Variants in LHFPL7 observed in about 807,000 individuals in gnomAD.
The protein encoded by LHFPL7 is LHFPL tetraspan subfamily member 7 protein.
the LHFPL7 span, among the ~76,000 whole-genome samples, chr22:24,942,340 T>C: frequency 2.0e-5 from 3 of 152,234 alleles, no homozygotes; most frequent in African/African-American, 7.2e-5. Context: ...AGTCAAGTCT[T>C]ACTTTAATAA....
chr22:24,943,732 C>T, the LHFPL7 span, among the ~76,000 whole-genome samples: 120 of 152,264 alleles, frequency 7.9e-4, no homozygotes, highest in African/African-American at 2.7e-3. Flanking sequence ...ACGAACCCAA[C>T]GGCTTACTAG....
At chr22:24,939,603 G>C in the LHFPL7 span, 1 of 695,884 alleles carries the variant, frequency 1.4e-6, no homozygotes, top group Non-Finnish European at 2.6e-6. Flanking sequence ...GACAAGGAGA[G>C]AAAGGGGCTG....
chr22:24,939,182 C>T, the LHFPL7 span, among the ~76,000 whole-genome samples: 1 of 152,072 alleles, frequency 6.6e-6, no homozygotes, highest in African/African-American at 2.4e-5. Flanking sequence ...AACTTCTATG[C>T]TCAGTTCTAA....
chr22:24,938,546 G>A, the LHFPL7 span, among the ~76,000 whole-genome samples: 1 of 152,308 alleles, frequency 6.6e-6, no homozygotes, highest in African/African-American at 2.4e-5. Context: ...AGAAACTGAA[G>A]TCATTTGCCT....
chr22:24,942,516 C>T, the LHFPL7 span, among the ~76,000 whole-genome samples: 1 of 152,226 alleles, frequency 6.6e-6, no homozygotes, highest in Non-Finnish European at 1.5e-5. Context: ...ACTTAGCCAG[C>T]TTTGCCAGGC....
At chr22:24,943,923 G>A in the LHFPL7 span, among the ~76,000 whole-genome samples, 5 of 152,170 alleles carry the variant, frequency 3.3e-5, no homozygotes, top group African/African-American at 1.2e-4. Context: ...TGGCTTCTAT[G>A]TCTTTCTCTG....
the LHFPL7 span, among the ~76,000 whole-genome samples, chr22:24,943,066 GAGGGGACAGTATTTTTA>G: frequency 6.6e-6 from 1 of 151,904 alleles, no homozygotes; most frequent in Admixed American, 6.6e-5. Flanking sequence ...CCTTGAGTGA[GAGGGGACAGTATTTTTA>G]TGGGGTTTTT....
the LHFPL7 span, among the ~76,000 whole-genome samples, chr22:24,935,783 T>A: frequency 6.3e-3 from 955 of 152,082 alleles, 12 homozygotes; most frequent in African/African-American, 0.022. Flanking sequence ...CAACTATCTG[T>A]CCCTTCACTA....
chr22:24,946,064 C>T, the LHFPL7 span, among the ~76,000 whole-genome samples: 3 of 152,234 alleles, frequency 2.0e-5, no homozygotes, highest in Non-Finnish European at 4.4e-5. Flanking sequence ...AATCCCAGCA[C>T]TTTGCAAGGC....
the LHFPL7 span, among the ~76,000 whole-genome samples, chr22:24,937,150 A>G: frequency 7.8e-4 from 119 of 152,340 alleles, no homozygotes; most frequent in South Asian, 0.017. Flanking sequence ...AGTATGTGCT[A>G]TGAAAAATAT....
At chr22:24,939,252 G>A in the LHFPL7 span, 8 of 695,960 alleles carry the variant, frequency 1.1e-5, no homozygotes, top group South Asian at 4.5e-5. Context: ...AAGCCTCCTC[G>A]AATTCCGCTC....
chr22:24,943,422 G>T, the LHFPL7 span, among the ~76,000 whole-genome samples: 1 of 152,160 alleles, frequency 6.6e-6, no homozygotes, highest in Non-Finnish European at 1.5e-5. Flanking sequence ...GCTTGAAAGG[G>T]ACTGAATATT....
At chr22:24,942,584 C>T in the LHFPL7 span, among the ~76,000 whole-genome samples, 2 of 152,222 alleles carry the variant, frequency 1.3e-5, no homozygotes, top group Non-Finnish European at 2.9e-5. Flanking sequence ...ACCCACTAAA[C>T]ATGGCAGGAA....
At chr22:24,944,718 CTATT>C in the LHFPL7 span, among the ~76,000 whole-genome samples, 27,365 of 148,778 alleles carry the variant, frequency 0.18, 2,557 homozygotes, top group South Asian at 0.25. Flanking sequence ...ACATGCCTGG[CTATT>C]TATTTATTTA....
chr22:24,940,154 C>T, the LHFPL7 span, among the ~76,000 whole-genome samples: 2,814 of 149,556 alleles, frequency 0.019, 85 homozygotes, highest in African/African-American at 0.066. Flanking sequence ...TCTCGATCTC[C>T]TGACCTTGTG....
chr22:24,944,010 C>T, the LHFPL7 span, among the ~76,000 whole-genome samples: 2 of 152,140 alleles, frequency 1.3e-5, no homozygotes, highest in Non-Finnish European at 1.5e-5. Flanking sequence ...CCCCCTACCC[C>T]CAGGATACAG....
the LHFPL7 span, chr22:24,939,668 A>G: frequency 1.5e-6 from 1 of 646,050 alleles, no homozygotes; most frequent in Non-Finnish European, 2.8e-6. Flanking sequence ...CCAGATCATC[A>G]GCCCCCCTTG....
chr22:24,935,425 T>C, the LHFPL7 span: 1 of 1,614,050 alleles, frequency 6.2e-7, no homozygotes, highest in Non-Finnish European at 8.5e-7. Flanking sequence ...TGGGGCCAGC[T>C]GATGATGGGC....
chr22:24,938,379 C>T, the LHFPL7 span: 1 of 1,603,416 alleles, frequency 6.2e-7, no homozygotes. Flanking sequence ...AAGGAAGAGA[C>T]AGAAGGAAGG....
Sources: allele counts gnomAD v4.1 joint callset (sites outside exome capture counted in the v4.1 genomes callset), GRCh38; gene constraint gnomAD v4.1.1; transcripts MANE v1.5; gene names NCBI Gene and HGNC (gene_info 2026-07-23, HGNC 2026-07-21).